The following NEB variants were observed in gnomAD, a reference collection of about 807,000 sequenced individuals.
The protein encoded by NEB is nemaline myopathy type 2.
In NEB, 512 loss-of-function variants were observed where a neutral mutation model predicts 952.2. The ratio of observed to expected loss-of-function variants is 0.54; its 90% confidence interval spans 0.50 to 0.58. NEB has a LOEUF of 0.58. NEB is among the 20% of genes least tolerant of loss of function. The pLI is 0.00. For synonymous variants in NEB, 2,900 were observed against 3,149.8 expected (o/e 0.92, Z 2.66); for missense variants, 8,428 against 9,231.1 (o/e 0.91, Z 3.56).
rs200831033 is a variant in NEB at position 151,576,402 on chromosome 2, A to G, written c.16705-48T>C. 6.9e-5 allele frequency: 96 copies of G among 1,391,636 alleles called. No individual in the cohort carries two copies. In the Middle Eastern group the frequency reaches 1.3e-3, roughly 19 times the overall value. 86.2% of individuals were successfully genotyped at this position (1,391,636 alleles called of 1,614,324 possible). A position where few individuals can be genotyped will look rare whatever the true frequency, so the allele number is the denominator to read the frequency against. ...AAGCAGGGTTTGTGTTTTGTTGTGT[A>G]TGTGTGTGGTAAAATAAGGACAGTT... is the stretch of plus-strand genomic sequence containing the variant. On this transcript the variant is annotated intron_variant, in intron 105 of 181. Coordinates refer to ENST00000397345, the MANE Select transcript of NEB (RefSeq NM_001164508.2).
chr2:151,662,190 A>C lies in NEB; in HGVS notation c.5915T>G (p.Leu1972Arg). The C allele has an allele frequency of 6.2e-7, 1 of 1,613,592 alleles. No homozygotes were observed. Residue 1972 changes from leucine (L) to arginine (R), a missense_variant, in exon 46 of 182, where the codon CTC becomes CGC. By Grantham distance (102) the Leu-to-Arg change is moderately radical. Coordinates refer to ENST00000397345, the MANE Select transcript of NEB (RefSeq NM_001164508.2). ...QHPDTLKYST[L>R]MDSMNMVLAQ... The stretch of plus-strand genomic sequence containing the variant: ...CAAAACCATGTTCATCGAGTCCATG[A>C]GTGTGGAATACTTCAAAGTGTCTGG...
chr2:151,702,694 C>T (rs577781118), intron 13 of NEB, among the ~76,000 whole-genome samples: 2,073 of 151,912 alleles, frequency 0.014, 23 homozygotes, highest in Middle Eastern at 0.031. Flanking sequence ...GCAACCCCTG[C>T]CTTTTTTTTG....
intron 113 of NEB, 57 bp from the exon 114 acceptor site, chr2:151,567,536 G>A (rs2096457963): frequency 6.7e-7 from 1 of 1,489,648 alleles, no homozygotes; most frequent in Non-Finnish European, 9.0e-7. Flanking sequence ...AAGGCAGAGG[G>A]GGCTTGATCA....
chr2:151,558,328 A>G (rs1225294916), intron 124 of NEB, among the ~76,000 whole-genome samples: 1 of 152,228 alleles, frequency 6.6e-6, no homozygotes, highest in Non-Finnish European at 1.5e-5. Context: ...GGACCTCTTC[A>G]AGGAGAACTA....
At position 151,518,329 on chromosome 2, in the gene NEB, A is replaced by G. The variant is rs1303098129; in HGVS notation, c.22789T>C (p.Leu7597=). Residue 7597 remains leucine, a synonymous_variant, in exon 156 of 182, where the codon TTA becomes CTA. Coordinates refer to ENST00000397345, the MANE Select transcript of NEB (RefSeq NM_001164508.2). ...EQLHLKEATE[L]QSIVKYKEKY... Reference sequence around the variant, plus strand: ...CTTGATCCACTTACTATACTCTGTAATTCTGTGGCCTCTTTTAGGTGAAGC... The same window carrying G: ...CTTGATCCACTTACTATACTCTGTAGTTCTGTGGCCTCTTTTAGGTGAAGC... 1 of 1,603,680 alleles carries G rather than the reference A, an allele frequency of 6.2e-7. No homozygotes were observed. The highest frequency in any genetic ancestry group is 1.1e-5 in the South Asian group (1 of 90,846).
intron 124 of NEB, among the ~76,000 whole-genome samples, chr2:151,557,244 A>G (rs1577392185): frequency 6.6e-6 from 1 of 152,224 alleles, no homozygotes; most frequent in African/African-American, 2.4e-5. Context: ...AAACACCTCT[A>G]TGCAAATAAA....
chr2:151,513,506 G>A, intron 160 of NEB, 74 bp downstream of exon 160: 1 of 1,070,242 alleles, frequency 9.3e-7, no homozygotes, highest in South Asian at 1.5e-5. Flanking sequence ...TAAATCAGAT[G>A]ACAGAGGGAC....
rs1051529299 is a variant in NEB at position 151,553,496 on chromosome 2, A to T, written c.19633T>A (p.Tyr6545Asn). The T allele has an allele frequency of 6.2e-7, 1 of 1,608,790 alleles. No homozygotes were observed. Residue 6545 changes from tyrosine to asparagine, a missense_variant, in exon 127 of 182, where the codon TAC becomes AAC. By Grantham distance (143) the Tyr-to-Asn change is moderately radical. This residue lies in a region of NEB where 3,374 missense variants were observed against 3,651.5 expected (regional missense o/e 0.92). Coordinates refer to ENST00000397345, the MANE Select transcript of NEB (RefSeq NM_001164508.2). ...TTCAGCCAGTTGAGGTCATCCTTGT[A>T]TACAATCTAGAGGGTTTTGATAGAA... The part of the protein sequence containing the change: ...KVTDQISDIV[Y>N]KDDLNWLKGI...
intron 55 of NEB, among the ~76,000 whole-genome samples, chr2:151,645,716 A>C (rs2098948459): frequency 6.6e-6 from 1 of 152,214 alleles, no homozygotes; most frequent in African/African-American, 2.4e-5. Context: ...GATAATGACA[A>C]TAAAAATGAG....
Position 151,545,887 on chromosome 2 carries a change from C to T in NEB, c.20577+1G>A. On this transcript the variant is annotated splice_donor_variant, in intron 135 of 181. Coordinates refer to ENST00000397345, the MANE Select transcript of NEB (RefSeq NM_001164508.2). LOFTEE classifies it high-confidence loss of function. ...TTCAATGACAAGTAAAGCGTCCTTA[C>T]CTCACTCAGATGTGTCTTCAGTTCT... 6.3e-7 allele frequency: 1 copy of T among 1,575,176 alleles called. No individual in the cohort carries two copies. Among genetic ancestry groups the T allele is most frequent in the Non-Finnish European group, 8.7e-7 (1 of 1,148,522 alleles).
At chr2:151,496,251 G>T in intron 173 of NEB, 25 bp downstream of exon 173, 2 of 1,552,064 alleles carry the variant, frequency 1.3e-6, no homozygotes, top group Non-Finnish European at 8.8e-7. Context: ...TCAGTAAGTA[G>T]TTTTTTTCTT....
rs1392963702 is a variant in NEB, at chr2:151,632,596, A to G, written c.9414+1058T>C. On this transcript the variant is annotated intron_variant, in intron 65 of 181. Coordinates refer to ENST00000397345, the MANE Select transcript of NEB (RefSeq NM_001164508.2). Reference sequence around the variant, plus strand: ...GAGGCTGAAGCATGAGAATCACTTGAACCCGGGAGGCGAAGGTTGCAGTAA... The same window carrying G: ...GAGGCTGAAGCATGAGAATCACTTGGACCCGGGAGGCGAAGGTTGCAGTAA... Among the ~76,000 whole-genome samples, 4 of 151,664 alleles carry G rather than the reference A, an allele frequency of 2.6e-5. No homozygotes were observed. In the East Asian group the frequency reaches 7.8e-4, roughly 29 times the overall value.
intron 114 of NEB, among the ~76,000 whole-genome samples, chr2:151,566,058 A>G (rs995507810): frequency 1.3e-5 from 2 of 152,212 alleles, no homozygotes; most frequent in African/African-American, 4.8e-5. Context: ...GAGATAAGTC[A>G]TTTATAAAGC....
chr2:151,676,697 A>C lies in NEB; in HGVS notation c.3774+868T>G, dbSNP rs576962825. Among the ~76,000 whole-genome samples the C allele has an allele frequency of 8.5e-5, 13 of 152,174 alleles. No individual in the cohort carries two copies. In the South Asian group the frequency reaches 2.5e-3, roughly 29 times the overall value. On this transcript the variant is annotated intron_variant, in intron 34 of 181. Transcript: ENST00000397345. ...TGCTCACTTCTCTCACTTGCCTGGG[A>C]AACTCTGGTAGGCAGTTACCTGTGT...
intron 28 of NEB, among the ~76,000 whole-genome samples, chr2:151,684,028 C>G (rs1009716315): frequency 1.1e-4 from 17 of 152,154 alleles, no homozygotes; most frequent in Admixed American, 2.6e-4. Context: ...AACTTAGAAA[C>G]AAAGCGTAGA....
rs537836623 is a variant in NEB at position 151,612,652 on chromosome 2, A to AAATT, written c.11602-267_11602-264dup. Among the ~76,000 whole-genome samples, 451 of 152,314 alleles carry AAATT rather than the reference A, an allele frequency of 3.0e-3. 2 individuals carry two copies. Among genetic ancestry groups the AAATT allele is most frequent in the African/African-American group, 0.01 (436 of 41,574 alleles). ...TTCAGTGATAAAAACCACCTTAAGG[A>AAATT]AATTACTGCCTGCCTCCTGAAACAG... On this transcript the variant is annotated intron_variant, in intron 77 of 181. Coordinates refer to ENST00000397345, the MANE Select transcript of NEB (RefSeq NM_001164508.2).
chr2:151,514,984 C>T (rs2153324256), intron 157 of NEB, 56 bp from the exon 158 acceptor site: 2 of 1,100,388 alleles, frequency 1.8e-6, no homozygotes, highest in East Asian at 2.6e-5. Flanking sequence ...TACAATATAT[C>T]TCTCCATCTC....
chr2:151,640,041 A>G lies in NEB; in HGVS notation c.8705T>C (p.Leu2902Pro). ...LQSDNMYKSD[L>P]QWMRGIGWVS... is the part of the protein sequence containing the mutation. The stretch of plus-strand genomic sequence containing the variant: ...CCAGCCAATGCCTCTCATCCACTGG[A>G]GATCAGACTTGTACATATTCTGTTG... The change falls in exon 62 of 182, where the codon CTC (leucine) becomes CCC (proline). Residue 2902 changes from leucine to proline, a missense_variant. By Grantham distance (98) the Leu-to-Pro change is moderately conservative. Coordinates refer to ENST00000397345, the MANE Select transcript of NEB (RefSeq NM_001164508.2). 6.2e-7 allele frequency: 1 copy of G among 1,613,718 alleles called. No individual in the cohort carries two copies. Among genetic ancestry groups the G allele is most frequent in the Non-Finnish European group, 8.5e-7 (1 of 1,179,642 alleles).
At chr2:151,726,533 G>T (rs113888767) in intron 5 of NEB, among the ~76,000 whole-genome samples, 5,171 of 152,170 alleles carry the variant, frequency 0.034, 121 homozygotes, top group Non-Finnish European at 0.054. Context: ...CAGAGGACAT[G>T]CAATCAAGCC....
Sources: gnomAD v4.1 joint callset for allele counts (sites outside exome capture counted in the v4.1 genomes callset) on GRCh38, gnomAD v4.1.1 for gene constraint, gnomAD v4.1.1 regional missense constraint, MANE v1.5 for transcripts, NCBI Gene and HGNC (gene_info 2026-07-23, HGNC 2026-07-21) for gene names.